SPAG1: variants seen among roughly 807,000 people sequenced by gnomAD.
SPAG1 encodes sperm-associated antigen 1.
A neutral mutation model predicts 100.5 loss-of-function variants in SPAG1; 69 were observed. That is an observed-to-expected ratio of 0.69 (90% CI 0.57 to 0.84). The LOEUF (loss-of-function observed/expected upper bound fraction) is 0.84. Among genes scored for constraint, SPAG1 ranks in the 40% least tolerant of loss-of-function variants. The probability of loss-of-function intolerance (pLI) is 0.00; values close to 1 mark genes in which losing one functional copy is unlikely to be tolerated. For missense variants in SPAG1, 955 were observed against 1,133.1 expected (o/e 0.84, Z 2.26); for synonymous variants, 336 against 411.6 (o/e 0.82, Z 2.22).
Position 100,239,467 on chromosome 8 carries a change from C to A in SPAG1, c.2280+63C>A. ...GGGACCTTAGACTGGATTCTAAGGT[C>A]ATATTCCTGTGAGTTCTAAAACATT... On this transcript the variant is annotated intron_variant, in intron 17 of 18. Coordinates refer to ENST00000388798, the MANE Select transcript of SPAG1 (RefSeq NM_003114.5). The surrounding 1 kb of genome is among the most constrained non-coding windows in gnomAD (Gnocchi z 5.0). 2.9e-6 allele frequency: 3 copies of A among 1,042,298 alleles called. No individual in the cohort carries two copies. Among genetic ancestry groups the A allele is most frequent in the African/African-American group, 1.6e-5 (1 of 62,142 alleles). The allele number at this position is 1,042,298 out of a possible 1,614,324, so 64.6% of individuals were successfully genotyped here.
chr8:100,165,779 G>A (rs950812159), intron 2 of SPAG1, 35 bp from the exon 3 acceptor site: 3 of 1,572,688 alleles, frequency 1.9e-6, no homozygotes, highest in Non-Finnish European at 2.6e-6. Context: ...CCTAAATAAG[G>A]TGCTAACTCT....
intron 11 of SPAG1, 66 bp from the exon 12 acceptor site, chr8:100,213,753 G>A: frequency 9.5e-7 from 1 of 1,049,254 alleles, no homozygotes. Flanking sequence ...CGGCCGTCTT[G>A]TAATTCTGGT....
chr8:100,160,115 C>CTATTAT (rs1163637815), intron 1 of SPAG1, among the ~76,000 whole-genome samples: 2 of 152,078 alleles, frequency 1.3e-5, no homozygotes, highest in Non-Finnish European at 2.9e-5. Flanking sequence ...ATATTTGTTG[C>CTATTAT]TATTATTATT....
At position 100,231,154 on chromosome 8, in the gene SPAG1, A is replaced by G; in HGVS notation, c.1856-2A>G. On this transcript the variant is annotated splice_acceptor_variant, in intron 14 of 18. Transcript: ENST00000388798. LOFTEE classifies it high-confidence loss of function. Reference sequence around the variant, plus strand: ...CCTCTTCTTTGTTTTTTTGTCCCATAGATGAAAAAACATTTAAAGCCCTTA... The same window carrying G: ...CCTCTTCTTTGTTTTTTTGTCCCATGGATGAAAAAACATTTAAAGCCCTTA... The G allele has an allele frequency of 6.3e-7, 1 of 1,597,076 alleles. No homozygotes were observed. The highest frequency in any genetic ancestry group is 8.5e-7 in the Non-Finnish European group (1 of 1,172,852).
Position 100,213,230 on chromosome 8 carries a change from G to C in SPAG1, c.1237G>C (p.Gly413Arg), listed in dbSNP as rs1817810945. 1.5e-6 allele frequency: 2 copies of C among 1,374,532 alleles called. No homozygotes were observed. Among genetic ancestry groups the C allele is most frequent in the Admixed American group, 3.3e-5 (1 of 30,190 alleles). 85.1% of individuals were successfully genotyped at this position (1,374,532 alleles called of 1,614,324 possible). A position where few individuals can be genotyped will look rare whatever the true frequency, so the allele number is the denominator to read the frequency against. ...GCAGCGGGGCCAGACCCCGGAGGCC[G>C]GCGCGGACAAGCGGAGCCCACGGCG... ...APQRGQTPEAGADKRSPRRAS... is the reference protein window; with the variant it reads ...APQRGQTPEARADKRSPRRAS... The change falls in exon 11 of 19, where the codon GGC becomes CGC. Residue 413 changes from glycine to arginine, a missense_variant. Gly to Arg is a moderately radical substitution (Grantham distance 125). Transcript: ENST00000388798.
At chr8:100,171,866 G>A (rs552586734) in intron 3 of SPAG1, among the ~76,000 whole-genome samples, 10 of 152,052 alleles carry the variant, frequency 6.6e-5, no homozygotes, top group South Asian at 2.1e-4. Context: ...TCCTGACTCC[G>A]TCAGGCCAGA....
chr8:100,195,032 G>C (rs552467190), intron 10 of SPAG1, among the ~76,000 whole-genome samples: 9 of 152,134 alleles, frequency 5.9e-5, no homozygotes, highest in African/African-American at 2.2e-4. Context: ...GGGTGTGATG[G>C]CATGCACCTG....
At chr8:100,171,053 G>T (rs1485829712) in intron 3 of SPAG1, among the ~76,000 whole-genome samples, 1 of 152,054 alleles carries the variant, frequency 6.6e-6, no homozygotes, top group Non-Finnish European at 1.5e-5. Flanking sequence ...TTTTTATCAT[G>T]AATGGGTTTT....
At chr8:100,188,897 T>A (rs988790670) in intron 8 of SPAG1, among the ~76,000 whole-genome samples, 1 of 152,198 alleles carries the variant, frequency 6.6e-6, no homozygotes, top group East Asian at 1.9e-4. Flanking sequence ...GCCTGTGTTT[T>A]ACGCAAGCTG....
chr8:100,225,830 T>C (rs1008462459), intron 14 of SPAG1, among the ~76,000 whole-genome samples: 6 of 151,636 alleles, frequency 4.0e-5, no homozygotes, highest in African/African-American at 1.5e-4. Context: ...TGTAAAAGCG[T>C]TTTTTGTTTT....
At chr8:100,227,640 T>C (rs1041829099) in intron 14 of SPAG1, among the ~76,000 whole-genome samples, 1 of 152,188 alleles carries the variant, frequency 6.6e-6, no homozygotes, top group Non-Finnish European at 1.5e-5. Context: ...TAGCAAACCA[T>C]AGCACAAGTA....
chr8:100,239,977 A>G lies in SPAG1; in HGVS notation c.2281-426A>G, dbSNP rs1001804960. Among the ~76,000 whole-genome samples, 7 of 152,198 alleles carry G rather than the reference A, an allele frequency of 4.6e-5. No homozygotes were observed. The highest frequency in any genetic ancestry group is 1.7e-4 in the African/African-American group (7 of 41,446). On this transcript the variant is annotated intron_variant, in intron 17 of 18. Coordinates refer to ENST00000388798, the MANE Select transcript of SPAG1 (RefSeq NM_003114.5). The surrounding 1 kb of genome is among the most constrained non-coding windows in gnomAD (Gnocchi z 5.0). ...ATGCTAATACCCCATTTATAGTCTC[A>G]CATTTCCACTAAGAGTAAGAGGCTA...
chr8:100,165,364 C>A, intron 2 of SPAG1: 1 of 494,366 alleles, frequency 2.0e-6, no homozygotes. Flanking sequence ...ACTTGAAATT[C>A]TTCTGTTGCA....
In SPAG1 at chr8:100,158,596, C is replaced by A. The variant is rs1423176254; in HGVS notation, c.-23C>A. On this transcript the variant is annotated 5_prime_UTR_variant, in exon 1 of 19. Coordinates refer to ENST00000388798, the MANE Select transcript of SPAG1 (RefSeq NM_003114.5). Reference sequence around the variant, plus strand: ...AGACCCAGCTTTTCGCGTTAGTAGGCCCGAGCAGTTTGAACTGGAGGTATT... The same window carrying A: ...AGACCCAGCTTTTCGCGTTAGTAGGACCGAGCAGTTTGAACTGGAGGTATT... 1 of 152,084 alleles carries A rather than the reference C, an allele frequency of 6.6e-6. No homozygotes were observed. The highest frequency in any genetic ancestry group is 1.5e-5 in the Non-Finnish European group (1 of 68,058). 9.4% of individuals were successfully genotyped at this position (152,084 alleles called of 1,614,324 possible). A position where few individuals can be genotyped will look rare whatever the true frequency, so the allele number is the denominator to read the frequency against.
At chr8:100,175,084 C>T (rs1318264820) in intron 3 of SPAG1, among the ~76,000 whole-genome samples, 2 of 151,402 alleles carry the variant, frequency 1.3e-5, no homozygotes, top group African/African-American at 4.9e-5. Context: ...CTCTTGGGCT[C>T]AAGCGATCCT....
At chr8:100,183,550 A>G (rs1440688129) in intron 5 of SPAG1, 114 bp downstream of exon 5, 1 of 548,324 alleles carries the variant, frequency 1.8e-6, no homozygotes, top group Non-Finnish European at 3.3e-6. Context: ...AAGAATACCA[A>G]ATTACTTCAA....
chr8:100,184,175 T>C (rs985324253), intron 6 of SPAG1, 113 bp downstream of exon 6: 4 of 472,254 alleles, frequency 8.5e-6, no homozygotes, highest in Non-Finnish European at 1.5e-5. Context: ...CCATGAAAAG[T>C]TTATGGATTT....
At position 100,227,839 on chromosome 8, in the gene SPAG1, A is replaced by G. The variant is rs1399395317; in HGVS notation, c.1855+2500A>G. 2.6e-5 allele frequency among the ~76,000 whole-genome samples: 3 copies of G among 117,478 alleles called. No individual in the cohort carries two copies. The Admixed American group carries it at 2.9e-4, about 11-fold the overall frequency. 77.1% of individuals were successfully genotyped at this position (117,478 alleles called of 152,430 possible). On this transcript the variant is annotated intron_variant, in intron 14 of 18. Coordinates refer to ENST00000388798, the MANE Select transcript of SPAG1 (RefSeq NM_003114.5). ...AAGTACCATTTGACCCTATTGTGTCAGATTTTTTTTTTTTTTTTTTTTTTT... is the reference window on the plus strand; with the variant it reads ...AAGTACCATTTGACCCTATTGTGTCGGATTTTTTTTTTTTTTTTTTTTTTT...
chr8:100,160,202 C>T (rs1005108276), intron 1 of SPAG1, among the ~76,000 whole-genome samples: 1 of 152,104 alleles, frequency 6.6e-6, no homozygotes, highest in Non-Finnish European at 1.5e-5. Flanking sequence ...TTAAATGCAG[C>T]GAATGTTTCT....
Sources: allele counts gnomAD v4.1 joint callset (sites outside exome capture counted in the v4.1 genomes callset), GRCh38; gene constraint gnomAD v4.1.1; non-coding constraint Gnocchi (gnomAD v3.1); transcripts MANE v1.5; gene names NCBI Gene and HGNC (gene_info 2026-07-23, HGNC 2026-07-21).